Variants in SGCD observed in about 807,000 individuals in gnomAD.
SGCD encodes sarcoglycan delta.
Under a neutral mutation model 36.6 loss-of-function variants are expected in SGCD, and 18 were observed. The ratio of observed to expected loss-of-function variants is 0.49; its 90% CI spans 0.34 to 0.73. The LOEUF (loss-of-function observed/expected upper bound fraction) is 0.73. SGCD is among the 30% of genes least tolerant of loss of function. The probability of loss-of-function intolerance (pLI) is 0.01; values close to 1 mark genes in which losing one functional copy is unlikely to be tolerated. For missense variants in SGCD, 387 were observed against 346.7 expected (o/e 1.12, Z -0.92); for synonymous variants, 133 against 130.6 (o/e 1.02, Z -0.12).
chr5:155,859,497 TTC>T, the SGCD span, among the ~76,000 whole-genome samples: 1 of 152,178 alleles, frequency 6.6e-6, no homozygotes, highest in Non-Finnish European at 1.5e-5. Context: ...TACAAAATAT[TTC>T]TGTTTCTTCA....
chr5:155,849,213 A>C, the SGCD span, among the ~76,000 whole-genome samples: 1 of 152,192 alleles, frequency 6.6e-6, no homozygotes. Flanking sequence ...TCTGGGAAGT[A>C]ACTTAGGAAT....
chr5:156,022,642 A>G (rs533077824), intron 1 of SGCD, among the ~76,000 whole-genome samples: 24 of 152,278 alleles, frequency 1.6e-4, no homozygotes, highest in African/African-American at 5.5e-4. Context: ...TGTAGGGAAT[A>G]TTTTTGTGGC....
At position 156,720,239 on chromosome 5, in the gene SGCD, T is replaced by A. The variant is rs1755427909; in HGVS notation, c.576-37342T>A. Among the ~76,000 whole-genome samples, 3 of 152,212 alleles carry A rather than the reference T, an allele frequency of 2.0e-5. No homozygotes were observed. In the South Asian group the frequency reaches 6.2e-4, roughly 32 times the overall value. ...TGGGGAAAGGAGATGCAACAGGCCA[T>A]ATAACTAATAAGCAAAGGTCAGGCA... On this transcript the variant is annotated intron_variant, in intron 7 of 8. Transcript: ENST00000337851.
At chr5:156,446,976 A>G (rs961584522) in intron 3 of SGCD, among the ~76,000 whole-genome samples, 1 of 152,196 alleles carries the variant, frequency 6.6e-6, no homozygotes, top group Non-Finnish European at 1.5e-5. Flanking sequence ...GCTTTAGCCC[A>G]GGTTTCTGCA....
intron 3 of SGCD, among the ~76,000 whole-genome samples, chr5:156,486,640 C>T (rs1461491795): frequency 6.6e-6 from 1 of 152,220 alleles, no homozygotes; most frequent in Non-Finnish European, 1.5e-5. Context: ...CTGCCACTGC[C>T]TGCACTTGTT....
intron 1 of SGCD, among the ~76,000 whole-genome samples, chr5:155,963,109 C>A (rs1011532651): frequency 1.3e-5 from 2 of 152,080 alleles, no homozygotes; most frequent in Non-Finnish European, 1.5e-5. Context: ...TTTTCTGTCA[C>A]CATGGGTATT....
At chr5:156,376,648 T>G (rs891342388) in intron 3 of SGCD, among the ~76,000 whole-genome samples, 1 of 152,182 alleles carries the variant, frequency 6.6e-6, no homozygotes, top group Non-Finnish European at 1.5e-5. Flanking sequence ...TTTATGTGCA[T>G]CAGATTTTTT....
rs113052430 is a variant in SGCD, at chr5:156,391,314, A to G, written c.192+46637A>G. On this transcript the variant is annotated intron_variant, in intron 3 of 8. Coordinates refer to ENST00000337851, the MANE Select transcript of SGCD (RefSeq NM_000337.6). ...CTCTACTATCTAGGTTTGTGTAAGT[A>G]CACGCTATGTTAGCACAACGATGAA... Among the ~76,000 whole-genome samples the G allele has an allele frequency of 3.3e-5, 5 of 152,354 alleles. 1 individual carries two copies. Among genetic ancestry groups the G allele is most frequent in the African/African-American group, 1.2e-4 (5 of 41,598 alleles).
chr5:156,060,963 C>T lies in SGCD; in HGVS notation c.-281-56915C>T, dbSNP rs977327810. Among the ~76,000 whole-genome samples the T allele has an allele frequency of 2.8e-5, 4 of 144,960 alleles. 1 individual carries two copies. The highest frequency in any genetic ancestry group is 7.4e-5 in the African/African-American group (3 of 40,332). On this transcript the variant is annotated intron_variant, in intron 1 of 9. Transcript: ENST00000517913. ...TTTTAACATCCCCAGTTCCTATCAC[C>T]GTGGTCAGCGGAATCCCTCTGTCTT...
intron 4 of SGCD, among the ~76,000 whole-genome samples, chr5:156,559,185 C>T (rs1363589106): frequency 6.6e-6 from 1 of 152,088 alleles, no homozygotes; most frequent in Admixed American, 6.6e-5. Flanking sequence ...CAGCCCACAG[C>T]CTTAGGAACA....
intron 4 of SGCD, among the ~76,000 whole-genome samples, chr5:156,579,244 A>T (rs1760133076): frequency 6.6e-6 from 1 of 152,154 alleles, no homozygotes; most frequent in South Asian, 2.1e-4. Flanking sequence ...CTTAATCCTG[A>T]GTTCTAATTT....
the SGCD span, among the ~76,000 whole-genome samples, chr5:155,732,819 C>G: frequency 6.6e-6 from 1 of 152,184 alleles, no homozygotes; most frequent in Non-Finnish European, 1.5e-5. Context: ...GATTCCAACA[C>G]TGGATCCCTT....
upstream of SGCD, among the ~76,000 whole-genome samples, chr5:155,866,861 G>A (rs142380897): frequency 2.0e-5 from 3 of 152,188 alleles, no homozygotes; most frequent in African/African-American, 7.2e-5. Flanking sequence ...ACACGCATGC[G>A]TACACAATGG....
chr5:156,229,982 C>A (rs1357243091), intron 3 of SGCD, among the ~76,000 whole-genome samples: 1 of 152,180 alleles, frequency 6.6e-6, no homozygotes. Flanking sequence ...TTTTGCACTT[C>A]TGTAAGTATG....
chr5:156,468,242 A>G (rs1239250388), intron 3 of SGCD, among the ~76,000 whole-genome samples: 2 of 151,408 alleles, frequency 1.3e-5, no homozygotes, highest in African/African-American at 4.9e-5. Context: ...TTGGGAGGCT[A>G]AGGTGGGAGG....
chr5:156,423,343 TATTATA>T (rs1243553701), intron 3 of SGCD, among the ~76,000 whole-genome samples: 8,007 of 97,458 alleles, frequency 0.082, 1,399 homozygotes, highest in East Asian at 0.17. Flanking sequence ...TAATATAATA[TATTATA>T]ATTTTATTAT....
At chr5:156,498,839 C>A (rs1756317741) in intron 3 of SGCD, among the ~76,000 whole-genome samples, 2 of 152,090 alleles carry the variant, frequency 1.3e-5, no homozygotes, top group South Asian at 4.1e-4. Flanking sequence ...TCTTAACAGG[C>A]AGGCCCTTTT....
chr5:155,887,907 A>G (rs184620212), intron 1 of SGCD, among the ~76,000 whole-genome samples: 1 of 152,292 alleles, frequency 6.6e-6, no homozygotes, highest in Non-Finnish European at 1.5e-5. Context: ...ACTTCACACC[A>G]TTAGCTTATT....
At chr5:156,504,696 G>A (rs1316184438) in intron 3 of SGCD, among the ~76,000 whole-genome samples, 1 of 152,074 alleles carries the variant, frequency 6.6e-6, no homozygotes, top group Non-Finnish European at 1.5e-5. Context: ...TCCTTACGAT[G>A]AAATCCAAGA....
Sources: gnomAD v4.1 joint callset for allele counts (sites outside exome capture counted in the v4.1 genomes callset) on GRCh38, gnomAD v4.1.1 for gene constraint, MANE v1.5 for transcripts, NCBI Gene and HGNC (gene_info 2026-07-23, HGNC 2026-07-21) for gene names.